The following SOX6 variants were observed in gnomAD, a reference collection of about 807,000 sequenced individuals.
SOX6 encodes SRY-box transcription factor 6, also known as transcription factor SOX-6.
SOX6 carries 11 observed loss-of-function variants against 97.8 expected under a neutral mutation model. The ratio of observed to expected loss-of-function variants is 0.11; its 90% CI spans 0.07 to 0.19. SOX6 has a LOEUF of 0.19. Ranked by LOEUF, SOX6 falls within the 10% of genes least tolerant of loss-of-function variation. The pLI, the probability that SOX6 is intolerant of heterozygous loss-of-function variation, is 1.00. For synonymous variants in SOX6, 360 were observed against 371.4 expected, an observed-to-expected ratio of 0.97 and a Z score of 0.35; for missense variants, 810 against 1,039.5, an observed-to-expected ratio of 0.78 and a Z score of 3.04.
intron 4 of SOX6, among the ~76,000 whole-genome samples, chr11:16,594,769 C>A (rs1464661313): frequency 7.3e-6 from 1 of 136,618 alleles, no homozygotes; most frequent in Non-Finnish European, 1.5e-5. Flanking sequence ...CGGCTCACTG[C>A]AAGCTCCGCC....
rs1858671564 is a variant in SOX6 at position 16,405,743 on chromosome 11, C to T, written c.-4-64491G>A. The stretch of plus-strand genomic sequence containing the variant: ...CATCCTATCCCTCTCCCCTCTGCCT[C>T]TTTAATAAGTTGAGCTTGCAGAGTA... On this transcript the variant is annotated intron_variant, in intron 1 of 15. Coordinates refer to the SOX6 transcript ENST00000396356. Among the ~76,000 whole-genome samples, 6 of 152,168 alleles carry T rather than the reference C, an allele frequency of 3.9e-5. No homozygotes were observed. In the South Asian group the frequency reaches 1.2e-3, roughly 32 times the overall value.
chr11:16,252,812 C>G (rs1853555935), intron 3 of SOX6, among the ~76,000 whole-genome samples: 1 of 152,122 alleles, frequency 6.6e-6, no homozygotes, highest in African/African-American at 2.4e-5. Context: ...CCCACTCCAG[C>G]CATCCTCTCC....
intron 2 of SOX6, among the ~76,000 whole-genome samples, chr11:16,722,496 C>T (rs770584548): frequency 4.6e-5 from 7 of 151,958 alleles, no homozygotes; most frequent in Non-Finnish European, 1.5e-5. Flanking sequence ...TACAAAAATA[C>T]AAAAATTAGC....
intron 15 of SOX6, among the ~76,000 whole-genome samples, chr11:15,975,009 A>T (rs150350339): frequency 7.9e-5 from 12 of 152,174 alleles, no homozygotes; most frequent in Admixed American, 7.9e-4. Flanking sequence ...TTTCCTTTAT[A>T]GATATTCAAT....
At chr11:16,608,859 G>A (rs539243465) in intron 4 of SOX6, among the ~76,000 whole-genome samples, 8 of 152,134 alleles carry the variant, frequency 5.3e-5, no homozygotes, top group Non-Finnish European at 7.3e-5. Context: ...ACTTTGTAGA[G>A]GAAAAGATTT....
Position 16,006,211 on chromosome 11 carries a change from G to A in SOX6, c.1732+8731C>T, listed in dbSNP as rs537622234. 1.2e-3 allele frequency among the ~76,000 whole-genome samples: 184 copies of A among 152,066 alleles called. 1 individual carries two copies. The highest frequency in any genetic ancestry group is 2.1e-3 in the Non-Finnish European group (145 of 67,944). The stretch of plus-strand genomic sequence containing the variant: ...CTGAAATAATATTAAAGAGAGCAGA[G>A]GAATAAAGTGACTAACAGATCTCCA... On this transcript the variant is annotated intron_variant, in intron 13 of 15. Transcript: ENST00000683767.
At chr11:16,536,443 G>A (rs1415822391) in intron 4 of SOX6, among the ~76,000 whole-genome samples, 1 of 152,212 alleles carries the variant, frequency 6.6e-6, no homozygotes, top group East Asian at 1.9e-4. Flanking sequence ...TCATCTCACT[G>A]GGACTGGTTG....
intron 1 of SOX6, among the ~76,000 whole-genome samples, chr11:16,468,834 C>A (rs918460769): frequency 6.6e-6 from 1 of 152,112 alleles, no homozygotes; most frequent in African/African-American, 2.4e-5. Context: ...TTTTGCCTTC[C>A]TGAAATGCCT....
intron 6 of SOX6, among the ~76,000 whole-genome samples, chr11:16,179,526 C>T (rs1851290696): frequency 6.6e-6 from 1 of 151,712 alleles, no homozygotes; most frequent in East Asian, 1.9e-4. Flanking sequence ...TCAGATAAGA[C>T]AAAGAATATT....
chr11:16,311,966 A>T (rs1346261915), intron 3 of SOX6: 1 of 152,206 alleles, frequency 6.6e-6, no homozygotes, highest in East Asian at 1.9e-4. Context: ...ACACATGCTC[A>T]TTCTTGTGCT....
At chr11:16,253,356 A>T (rs1853575469) in intron 3 of SOX6, among the ~76,000 whole-genome samples, 1 of 151,966 alleles carries the variant, frequency 6.6e-6, no homozygotes, top group Non-Finnish European at 1.5e-5. Flanking sequence ...TGTCAAAAAA[A>T]AAAGAAACTG....
chr11:16,490,135 T>C (rs1860488854), intron 4 of SOX6, among the ~76,000 whole-genome samples: 1 of 152,022 alleles, frequency 6.6e-6, no homozygotes, highest in Non-Finnish European at 1.5e-5. Flanking sequence ...TAGTAAACAA[T>C]TTAAGCTTTG....
intron 3 of SOX6, among the ~76,000 whole-genome samples, chr11:16,310,124 C>T (rs1419137360): frequency 6.6e-6 from 1 of 152,004 alleles, no homozygotes; most frequent in Non-Finnish European, 1.5e-5. Flanking sequence ...GGCATATTTT[C>T]AAGGCAGAGA....
chr11:16,673,680 A>G (rs1197298907), intron 3 of SOX6, among the ~76,000 whole-genome samples: 1 of 152,160 alleles, frequency 6.6e-6, no homozygotes, highest in Non-Finnish European at 1.5e-5. Flanking sequence ...TTAAAGAACT[A>G]ATATCAATCC....
chr11:16,513,503 T>C (rs1324282471), intron 4 of SOX6, among the ~76,000 whole-genome samples: 1 of 152,068 alleles, frequency 6.6e-6, no homozygotes, highest in African/African-American at 2.4e-5. Context: ...CAAAGTGGCA[T>C]GTGCCTGTAA....
chr11:16,693,892 T>A (rs1389057136), intron 3 of SOX6, among the ~76,000 whole-genome samples: 3 of 152,320 alleles, frequency 2.0e-5, no homozygotes, highest in African/African-American at 7.2e-5. Context: ...CAAGTATGAT[T>A]CAGTTCATGG....
intron 1 of SOX6, chr11:16,402,700 C>T: frequency 1.2e-6 from 2 of 1,611,046 alleles, no homozygotes; most frequent in South Asian, 2.2e-5. Context: ...TCCTGTTTCA[C>T]CTGACTAAAC....
intron 9 of SOX6, among the ~76,000 whole-genome samples, chr11:16,064,631 C>A (rs573864176): frequency 6.6e-6 from 1 of 151,272 alleles, no homozygotes; most frequent in Admixed American, 6.6e-5. Flanking sequence ...TACTAGTAAA[C>A]CAAGTCTGAC....
intron 4 of SOX6, among the ~76,000 whole-genome samples, chr11:16,518,099 G>A (rs1861002269): frequency 6.6e-6 from 1 of 152,088 alleles, no homozygotes; most frequent in South Asian, 2.1e-4. Flanking sequence ...TGGCTCCACA[G>A]CAGTCCTACA....
Sources: allele counts gnomAD v4.1 joint callset (sites outside exome capture counted in the v4.1 genomes callset), GRCh38; gene constraint gnomAD v4.1.1; transcripts MANE v1.5; gene names NCBI Gene and HGNC (gene_info 2026-07-23, HGNC 2026-07-21).